The following SMAD5 variants were observed in gnomAD, a reference collection of about 807,000 sequenced individuals.
The protein encoded by SMAD5 is MAD, mothers against decapentaplegic homolog 5.
SMAD5 carries 9 observed loss-of-function variants against 43.1 expected under a neutral mutation model. That is an observed-to-expected ratio of 0.21 (90% confidence interval 0.13 to 0.36). SMAD5 has a LOEUF of 0.36. Among genes scored for constraint, SMAD5 ranks in the 10% least tolerant of loss-of-function variants. SMAD5 has a pLI of 1.00. For synonymous variants in SMAD5, 190 were observed against 192.4 expected (o/e 0.99, Z 0.10); for missense variants, 348 against 574.0 (o/e 0.61, Z 4.02).
intron 1 of SMAD5, among the ~76,000 whole-genome samples, chr5:136,136,643 A>T (rs534835252): frequency 2.0e-5 from 3 of 152,158 alleles, no homozygotes; most frequent in African/African-American, 2.4e-5. Context: ...TTGTTTTCCA[A>T]CCTGGAAAGA....
Position 136,180,686 on chromosome 5 carries a change from A to G in SMAD5, c.*3206A>G, listed in dbSNP as rs184761914. The G allele has an allele frequency of 6.6e-6, 1 of 152,272 alleles. No individual in the cohort carries two copies. Among genetic ancestry groups the G allele is most frequent in the East Asian group, 1.9e-4 (1 of 5,192 alleles). 9.4% of individuals were successfully genotyped at this position (152,272 alleles called of 1,614,324 possible). ...GTCAAATATGTGTGTCAGAATATAA[A>G]TAATTTTTCACATTGTATTGTTGCT... On this transcript the variant is annotated 3_prime_UTR_variant, in exon 8 of 8. Transcript: ENST00000545279.
At chr5:136,167,864 T>G (rs949895943) in intron 5 of SMAD5, among the ~76,000 whole-genome samples, 2 of 152,172 alleles carry the variant, frequency 1.3e-5, no homozygotes, top group African/African-American at 4.8e-5. Flanking sequence ...TGGTGTTATT[T>G]TATTCCTGCC....
rs1021495541 is a variant in SMAD5 at position 136,174,428 on chromosome 5, C to A, written c.1050C>A (p.Asp350Glu). 6.2e-7 allele frequency: 1 copy of A among 1,613,556 alleles called. No homozygotes were observed. The highest frequency in any genetic ancestry group is 1.1e-5 in the South Asian group (1 of 91,072). ...GGEVYAECLS[D>E]SSIFVQSRNC... The stretch of plus-strand genomic sequence containing the variant: ...AGGTGTATGCGGAATGCCTCAGTGA[C>A]AGCAGCATATTTGTACAGAGTAGGA... Residue 350 changes from aspartate to glutamate, a missense_variant, in exon 7 of 8, where the codon GAC becomes GAA. Around this residue, in one of 5 missense-constraint regions of SMAD5, gnomAD observed 97 missense variants for 211.8 expected, o/e 0.46. Transcript: ENST00000545279.
At chr5:136,150,828 T>G (rs1036518010) in intron 2 of SMAD5, among the ~76,000 whole-genome samples, 27 of 152,036 alleles carry the variant, frequency 1.8e-4, no homozygotes, top group Admixed American at 1.5e-3. Flanking sequence ...TTTGTAAAGC[T>G]TGTGTTAGAT....
intron 1 of SMAD5, chr5:136,133,459 G>C (rs1752753721): frequency 6.6e-6 from 1 of 152,320 alleles, no homozygotes; most frequent in Non-Finnish European, 1.5e-5. Flanking sequence ...CAAAGATAAG[G>C]ATCCGCGCTT....
chr5:136,154,724 C>G (rs1471135204), intron 3 of SMAD5, among the ~76,000 whole-genome samples: 2 of 151,942 alleles, frequency 1.3e-5, no homozygotes, highest in Non-Finnish European at 2.9e-5. Context: ...TCATTTTTTT[C>G]TTGTGACTTC....
rs77131299 is a variant in SMAD5, at chr5:136,174,365, G to A, written c.998-11G>A. ...CTTTTAGCTGACTCTTGTGATGTTT[G>A]TCTTTTTAAGGTGTTCATCTGTACT... is the stretch of plus-strand genomic sequence containing the variant. On this transcript the variant is annotated splice_polypyrimidine_tract_variant and intron_variant, in intron 6 of 7. Coordinates refer to ENST00000545279, the MANE Select transcript of SMAD5 (RefSeq NM_005903.7). 3,884 of 1,609,040 alleles carry A rather than the reference G, an allele frequency of 2.4e-3. 91 individuals carry two copies. In the African/African-American group the frequency reaches 0.045, roughly 19 times the overall value.
chr5:136,176,817 A>G (rs1754437758), intron 7 of SMAD5, among the ~76,000 whole-genome samples: 1 of 152,234 alleles, frequency 6.6e-6, no homozygotes, highest in South Asian at 2.1e-4. Flanking sequence ...TCTTACAAAG[A>G]AATTAAGAGA....
chr5:136,163,464 C>T, intron 5 of SMAD5, 73 bp downstream of exon 5: 2 of 1,255,656 alleles, frequency 1.6e-6, no homozygotes, highest in African/African-American at 1.5e-5. Context: ...TTTTTAAAAA[C>T]AGCTTTATTG....
chr5:136,143,659 A>C (rs6596287), intron 1 of SMAD5, among the ~76,000 whole-genome samples: 51,269 of 151,270 alleles, frequency 0.34, 9,287 homozygotes, highest in African/African-American at 0.47. Flanking sequence ...TGAATGATAG[A>C]TTGTTATATT....
At position 136,179,288 on chromosome 5, in the gene SMAD5, A is replaced by C. The variant is rs2149784334; in HGVS notation, c.*1808A>C. 6.5e-6 allele frequency: 1 copy of C among 152,712 alleles called. No homozygotes were observed. The highest frequency in any genetic ancestry group is 1.9e-4 in the East Asian group (1 of 5,182). 9.5% of individuals were successfully genotyped at this position (152,712 alleles called of 1,614,324 possible). A position where few individuals can be genotyped will look rare whatever the true frequency, so the allele number is the denominator to read the frequency against. ...TTTTTTCTCAGGAGCTGTCAAATGG[A>C]CACTTAATTATGACATGAGAATGAA... is the stretch of plus-strand genomic sequence containing the variant. On this transcript the variant is annotated 3_prime_UTR_variant, in exon 8 of 8. Coordinates refer to ENST00000545279, the MANE Select transcript of SMAD5 (RefSeq NM_005903.7).
chr5:136,170,951 C>A (rs10214068), intron 5 of SMAD5, among the ~76,000 whole-genome samples: 54,259 of 151,926 alleles, frequency 0.36, 10,569 homozygotes, highest in African/African-American at 0.53. Flanking sequence ...CTTACTAGTT[C>A]CAGGAATTTT....
At chr5:136,133,862 G>A (rs2149755179) in intron 1 of SMAD5, 2 of 154,868 alleles carry the variant, frequency 1.3e-5, no homozygotes, top group Non-Finnish European at 1.5e-5. Context: ...ACTCGGGCGA[G>A]GATACTTGGG....
intron 1 of SMAD5, among the ~76,000 whole-genome samples, chr5:136,145,632 C>T (rs767652403): frequency 6.6e-6 from 1 of 151,894 alleles, no homozygotes; most frequent in East Asian, 1.9e-4. Flanking sequence ...ATTTAAAATC[C>T]TCAGCCTGAT....
intron 5 of SMAD5, among the ~76,000 whole-genome samples, chr5:136,167,418 CT>C (rs775681892): frequency 6.6e-6 from 1 of 151,976 alleles, no homozygotes; most frequent in Non-Finnish European, 1.5e-5. Context: ...TCCTCTCTTT[CT>C]TCTCATCTGA....
At chr5:136,165,662 A>ATATTTTTTTTTTTTTTTTTTTTT (rs1561653930) in intron 5 of SMAD5, among the ~76,000 whole-genome samples, 1 of 65,450 alleles carries the variant, frequency 1.5e-5, no homozygotes, top group African/African-American at 5.5e-5. Flanking sequence ...GAATCATACA[A>ATATTTTTTTTTTTTTTTTTTTTT]TTTTTTTTTT....
chr5:136,176,278 A>G (rs1298635659), intron 7 of SMAD5, among the ~76,000 whole-genome samples: 4 of 151,830 alleles, frequency 2.6e-5, no homozygotes, highest in African/African-American at 9.7e-5. Flanking sequence ...ACATGGTGAA[A>G]CCCTGTCTCT....
At chr5:136,140,907 T>C (rs920378459) in intron 1 of SMAD5, among the ~76,000 whole-genome samples, 3 of 152,092 alleles carry the variant, frequency 2.0e-5, no homozygotes, top group African/African-American at 7.2e-5. Flanking sequence ...TGAATGAATT[T>C]GACAAGTTAT....
At position 136,171,145 on chromosome 5, in the gene SMAD5, T is replaced by C. The variant is rs75804150; in HGVS notation, c.776-1289T>C. Among the ~76,000 whole-genome samples the C allele has an allele frequency of 2.8e-3, 423 of 152,316 alleles. 5 individuals carry two copies. The highest frequency in any genetic ancestry group is 9.8e-3 in the African/African-American group (407 of 41,590). On this transcript the variant is annotated intron_variant, in intron 5 of 7. Coordinates refer to ENST00000545279, the MANE Select transcript of SMAD5 (RefSeq NM_005903.7). ...TTTTTGATCTTAGCAGAAAACCTTC[T>C]AGTTTCCTACCATTAAGTATGATGT...
Sources: allele counts gnomAD v4.1 joint callset (sites outside exome capture counted in the v4.1 genomes callset), GRCh38; gene constraint gnomAD v4.1.1; regional missense constraint gnomAD v4.1.1; transcripts MANE v1.5; gene names NCBI Gene and HGNC (gene_info 2026-07-23, HGNC 2026-07-21).